Variants in RFX3 observed in about 807,000 individuals in gnomAD.
RFX3 encodes transcription factor RFX3.
Under a neutral mutation model 98.6 loss-of-function variants are expected in RFX3, and 14 were observed. The ratio of observed to expected loss-of-function variants is 0.14; its 90% confidence interval spans 0.09 to 0.22. The LOEUF (loss-of-function observed/expected upper bound fraction) is 0.22, where lower values mean the gene tolerates loss of function less well. Ranked by LOEUF, RFX3 falls within the 10% of genes least tolerant of loss-of-function variation. The probability of loss-of-function intolerance (pLI) is 1.00; values close to 1 mark genes in which losing one functional copy is unlikely to be tolerated. For synonymous variants in RFX3, 383 were observed against 328.4 expected (o/e 1.17, Z -1.80); for missense variants, 639 against 926.9 (o/e 0.69, Z 4.03).
intron 5 of RFX3, among the ~76,000 whole-genome samples, chr9:3,296,383 G>C (rs548244522): frequency 6.6e-6 from 1 of 151,758 alleles, no homozygotes; most frequent in African/African-American, 2.4e-5. Context: ...GCTTTTACTC[G>C]ATTGGCTATG....
intron 2 of RFX3, 120 bp downstream of exon 2, chr9:3,395,352 A>C: frequency 1.8e-6 from 2 of 1,139,384 alleles, no homozygotes; most frequent in South Asian, 3.0e-5. Context: ...TGAACCTAAA[A>C]ACTGAAGTAT....
chr9:3,315,312 T>C (rs1830459218), intron 4 of RFX3, among the ~76,000 whole-genome samples: 1 of 152,194 alleles, frequency 6.6e-6, no homozygotes, highest in Non-Finnish European at 1.5e-5. Context: ...ATAAAGGTAT[T>C]CTTTGAAACC....
At chr9:3,400,092 C>T (rs1159113678) in intron 1 of RFX3, 1 of 197,144 alleles carries the variant, frequency 5.1e-6, no homozygotes, top group African/African-American at 2.4e-5. Context: ...GTGATTTTAT[C>T]AATAGATGTA....
intron 11 of RFX3, 123 bp downstream of exon 11, chr9:3,270,248 G>T: frequency 1.9e-6 from 2 of 1,029,282 alleles, no homozygotes; most frequent in Non-Finnish European, 2.8e-6. Context: ...TGTGTTGCAT[G>T]TTTTCTATCT....
At chr9:3,292,321 G>C (rs1827497478) in intron 6 of RFX3, among the ~76,000 whole-genome samples, 1 of 151,960 alleles carries the variant, frequency 6.6e-6, no homozygotes, top group South Asian at 2.1e-4. Flanking sequence ...AGAGTTCTAA[G>C]TATTCTTTTC....
intron 1 of RFX3, among the ~76,000 whole-genome samples, chr9:3,471,680 A>G (rs1191261524): frequency 2.6e-5 from 4 of 152,264 alleles, no homozygotes; most frequent in Admixed American, 1.3e-4. Context: ...TGAATGATCA[A>G]GAATAAGGTG....
At position 3,431,111 on chromosome 9, in the gene RFX3, G is replaced by C. The variant is rs571055001; in HGVS notation, c.-8-35515C>G. ...TTTGTAGCCACCTTGTGTTGCTATT[G>C]TGAGTGAGCTCAAGTGCTGGGACTA... On this transcript the variant is annotated intron_variant, in intron 1 of 16. Coordinates refer to ENST00000617270, the MANE Select transcript of RFX3 (RefSeq NM_001282116.2). Among the ~76,000 whole-genome samples the C allele has an allele frequency of 2.6e-5, 4 of 152,306 alleles. No homozygotes were observed. In the South Asian group the frequency reaches 8.3e-4, roughly 32 times the overall value.
At chr9:3,244,090 C>G (rs1820315244) in intron 15 of RFX3, among the ~76,000 whole-genome samples, 1 of 151,956 alleles carries the variant, frequency 6.6e-6, no homozygotes, top group Non-Finnish European at 1.5e-5. Context: ...CAACCTCCAC[C>G]TCCTGGGTTC....
At chr9:3,245,584 T>C (rs753442305) in intron 15 of RFX3, among the ~76,000 whole-genome samples, 10 of 152,212 alleles carry the variant, frequency 6.6e-5, no homozygotes, top group Middle Eastern at 3.4e-3. Flanking sequence ...GGAGTCAAGA[T>C]AGAAGGACAT....
intron 1 of RFX3, among the ~76,000 whole-genome samples, chr9:3,471,647 T>C (rs889399335): frequency 6.6e-6 from 1 of 152,240 alleles, no homozygotes; most frequent in African/African-American, 2.4e-5. Flanking sequence ...CTAAGACTTT[T>C]AAGAAAATTC....
intron 4 of RFX3, among the ~76,000 whole-genome samples, chr9:3,328,874 C>T (rs940195768): frequency 6.6e-6 from 1 of 152,114 alleles, no homozygotes; most frequent in African/African-American, 2.4e-5. Context: ...CAAGAACAAA[C>T]TATATGATGA....
At chr9:3,435,232 T>A (rs906158163) in intron 1 of RFX3, among the ~76,000 whole-genome samples, 2 of 152,018 alleles carry the variant, frequency 1.3e-5, no homozygotes, top group African/African-American at 4.8e-5. Flanking sequence ...TAGTAATAAA[T>A]TAACATTGGC....
chr9:3,523,718 C>A (rs546032916), intron 1 of RFX3, among the ~76,000 whole-genome samples: 1 of 152,130 alleles, frequency 6.6e-6, no homozygotes, highest in South Asian at 2.1e-4. Flanking sequence ...TTATAGGACC[C>A]AGGAGCTTCA....
chr9:3,515,781 T>C (rs1320068574), intron 1 of RFX3, among the ~76,000 whole-genome samples: 1 of 152,148 alleles, frequency 6.6e-6, no homozygotes, highest in Non-Finnish European at 1.5e-5. Flanking sequence ...AATACACAAA[T>C]GCTATTAGGC....
intron 5 of RFX3, among the ~76,000 whole-genome samples, chr9:3,295,025 T>C (rs1827825619): frequency 1.3e-5 from 2 of 152,126 alleles, no homozygotes; most frequent in East Asian, 1.9e-4. Flanking sequence ...ATAACTTGAT[T>C]GTCAGTAAAC....
chr9:3,472,698 C>T (rs3739462), intron 1 of RFX3, among the ~76,000 whole-genome samples: 43,512 of 151,926 alleles, frequency 0.29, 9,431 homozygotes, highest in East Asian at 0.69. Context: ...ATGTAGCAAC[C>T]ATTATTTTGT....
intron 1 of RFX3, among the ~76,000 whole-genome samples, chr9:3,502,531 G>C (rs1816138858): frequency 6.6e-6 from 1 of 152,080 alleles, no homozygotes; most frequent in Admixed American, 6.6e-5. Flanking sequence ...TTAATAAAGA[G>C]GTAAATAATA....
intron 4 of RFX3, among the ~76,000 whole-genome samples, chr9:3,320,043 G>T (rs1308113435): frequency 2.6e-5 from 4 of 152,160 alleles, no homozygotes; most frequent in Admixed American, 6.5e-5. Flanking sequence ...AGGGTTTAAT[G>T]TGAACTGTGA....
At chr9:3,381,652 A>G (rs904244311) in intron 2 of RFX3, among the ~76,000 whole-genome samples, 1 of 152,042 alleles carries the variant, frequency 6.6e-6, no homozygotes, top group Non-Finnish European at 1.5e-5. Context: ...ATTTTCTTAT[A>G]TATATCTTTT....
Sources: gnomAD v4.1 joint callset for allele counts (sites outside exome capture counted in the v4.1 genomes callset) on GRCh38, gnomAD v4.1.1 for gene constraint, MANE v1.5 for transcripts, NCBI Gene and HGNC (gene_info 2026-07-23, HGNC 2026-07-21) for gene names.